VGLL3: variants seen among roughly 807,000 people sequenced by gnomAD.
VGLL3 encodes the protein transcription cofactor vestigial-like protein 3.
A neutral mutation model predicts 29.2 loss-of-function variants in VGLL3; 18 were observed. The observed-to-expected ratio is 0.62, with a 90% CI of 0.43 to 0.91. The LOEUF (loss-of-function observed/expected upper bound fraction) is 0.91, where lower values mean the gene tolerates loss of function less well. Ranked by LOEUF, VGLL3 falls within the 40% of genes least tolerant of loss-of-function variation. The probability of loss-of-function intolerance (pLI) is 0.00; values close to 1 mark genes in which losing one functional copy is unlikely to be tolerated. For missense variants in VGLL3, 440 were observed against 413.2 expected (o/e 1.06, Z -0.56); for synonymous variants, 180 against 151.8 (o/e 1.19, Z -1.36).
In VGLL3 at chr3:86,969,020, G is replaced by T; in HGVS notation, c.507C>A (p.Asp169Glu). Reference protein sequence around the residue: ...PAPCLGGVHPDFQVTGPPGTF... With the variant: ...PAPCLGGVHPEFQVTGPPGTF... ...TGCCAGGGGGTCCAGTGACCTGGAA[G>T]TCAGGATGAACTCCCCCCAAACAAG... The change falls in exon 3 of 4, where the codon GAC (aspartate) becomes GAA (glutamate). Residue 169 changes from aspartate to glutamate, a missense_variant. Transcript: ENST00000398399. The T allele has an allele frequency of 6.2e-7, 1 of 1,614,170 alleles. No homozygotes were observed. The highest frequency in any genetic ancestry group is 8.5e-7 in the Non-Finnish European group (1 of 1,180,024).
chr3:86,982,515 G>T (rs546591033), intron 1 of VGLL3, among the ~76,000 whole-genome samples: 66 of 151,218 alleles, frequency 4.4e-4, no homozygotes, highest in Non-Finnish European at 7.7e-4. Flanking sequence ...TATTCACTTG[G>T]TGTTTGCTCC....
chr3:86,990,970 C>T lies in VGLL3; in HGVS notation c.-227G>A, dbSNP rs988775378. ...GCGGGCACCTTCATCTTCAGCCCCT[C>T]CGGATGTTCCCTGCCGCGCTTATAT... On this transcript the variant is annotated 5_prime_UTR_variant, in exon 1 of 4. Coordinates refer to ENST00000398399, the MANE Select transcript of VGLL3 (RefSeq NM_016206.4). 6.8e-6 allele frequency: 7 copies of T among 1,034,124 alleles called. No individual in the cohort carries two copies. Among genetic ancestry groups the T allele is most frequent in the Non-Finnish European group, 8.2e-6 (7 of 857,734 alleles). 64.1% of individuals were successfully genotyped at this position (1,034,124 alleles called of 1,614,324 possible).
In VGLL3 at chr3:86,966,809, A is replaced by ATATATATATAGTATATATATATAGTGTG. The variant is rs1559726630; in HGVS notation, c.937+1780_937+1781insCACACTATATATATATACTATATATATA. 3.8e-4 allele frequency among the ~76,000 whole-genome samples: 47 copies of ATATATATATAGTATATATATATAGTGTG among 125,200 alleles called. 1 individual carries two copies. The highest frequency in any genetic ancestry group is 1.4e-3 in the African/African-American group (46 of 32,834). The allele number at this position is 125,200 out of a possible 152,430, so 82.1% of individuals were successfully genotyped here. ...TATATATATATATATATATATATAT[A>ATATATATATAGTATATATATATAGTGTG]TATATATATATATATAGTACCCCAG... On this transcript the variant is annotated intron_variant, in intron 3 of 3. Coordinates refer to ENST00000398399, the MANE Select transcript of VGLL3 (RefSeq NM_016206.4).
intron 1 of VGLL3, among the ~76,000 whole-genome samples, chr3:86,986,148 C>G (rs1411681925): frequency 6.6e-6 from 1 of 151,962 alleles, no homozygotes; most frequent in Non-Finnish European, 1.5e-5. Flanking sequence ...CTCTAAACAC[C>G]TCTTTTACCA....
chr3:86,968,710 G>T lies in VGLL3; in HGVS notation c.817C>A (p.Pro273Thr). 6.2e-7 allele frequency: 1 copy of T among 1,614,168 alleles called. No individual in the cohort carries two copies. The highest frequency in any genetic ancestry group is 8.5e-7 in the Non-Finnish European group (1 of 1,180,032). Residue 273 changes from proline (P) to threonine (T), a missense_variant, in exon 3 of 4, where the codon CCT becomes ACT. Pro to Thr is a conservative substitution (Grantham distance 38, BLOSUM62 -1). Coordinates refer to ENST00000398399, the MANE Select transcript of VGLL3 (RefSeq NM_016206.4). The stretch of plus-strand genomic sequence containing the variant: ...TTTGTGATGTCACACTGGGGAGCAG[G>T]AATCCTGGCCGCATGCACTGAAGGC... Reference protein sequence around the residue: ...LMPSVHAARIPAPQCDITKTE... With the variant: ...LMPSVHAARITAPQCDITKTE...
At chr3:86,957,489 C>T (rs912047576) in intron 3 of VGLL3, among the ~76,000 whole-genome samples, 1 of 152,150 alleles carries the variant, frequency 6.6e-6, no homozygotes, top group Admixed American at 6.6e-5. Flanking sequence ...TCATGTATCA[C>T]CGTCTAGAAA....
chr3:86,946,819 A>G lies in VGLL3; in HGVS notation c.*205T>C. The stretch of plus-strand genomic sequence containing the variant: ...AGTTGGCAAAGGCTCAGATGAGGAA[A>G]TAAACAAATAAAAATGCTTTTCTTC... On this transcript the variant is annotated 3_prime_UTR_variant, in exon 4 of 4. Transcript: ENST00000398399. The G allele has an allele frequency of 3.9e-6, 2 of 513,964 alleles. No homozygotes were observed. The highest frequency in any genetic ancestry group is 3.5e-6 in the Non-Finnish European group (1 of 288,520). 31.8% of individuals were successfully genotyped at this position (513,964 alleles called of 1,614,324 possible). A position where few individuals can be genotyped will look rare whatever the true frequency, so the allele number is the denominator to read the frequency against.
chr3:86,974,119 T>C (rs545576990), intron 2 of VGLL3, among the ~76,000 whole-genome samples: 1 of 151,886 alleles, frequency 6.6e-6, no homozygotes, highest in South Asian at 2.1e-4. Context: ...ATTAGGTTTG[T>C]TATTTTTTTT....
chr3:86,987,811 T>C (rs1397533750), intron 1 of VGLL3, among the ~76,000 whole-genome samples: 1 of 152,156 alleles, frequency 6.6e-6, no homozygotes, highest in Non-Finnish European at 1.5e-5. Context: ...AGCTAATATA[T>C]ATATACAGTT....
intron 3 of VGLL3, among the ~76,000 whole-genome samples, chr3:86,963,578 T>C (rs1213574539): frequency 6.6e-6 from 1 of 152,200 alleles, no homozygotes; most frequent in Non-Finnish European, 1.5e-5. Flanking sequence ...GCATATGCTA[T>C]TGTGAAATAT....
chr3:86,982,129 T>A (rs1705337186), intron 1 of VGLL3, among the ~76,000 whole-genome samples: 1 of 152,122 alleles, frequency 6.6e-6, no homozygotes, highest in South Asian at 2.1e-4. Context: ...TGACTGTAAA[T>A]CAATTTATTG....
chr3:86,978,464 T>C (rs1410514882), intron 2 of VGLL3, 62 bp downstream of exon 2: 2 of 1,555,626 alleles, frequency 1.3e-6, no homozygotes, highest in East Asian at 2.3e-5. Context: ...AGCTGGAACC[T>C]GGTACAGGCA....
At position 86,976,095 on chromosome 3, in the gene VGLL3, CAA is replaced by C. The variant is rs558868525; in HGVS notation, c.403+2429_403+2430del. Among the ~76,000 whole-genome samples the C allele has an allele frequency of 2.1e-4, 32 of 151,918 alleles. No individual in the cohort carries two copies. In the East Asian group the frequency reaches 5.8e-3, roughly 28 times the overall value. Reference sequence around the variant, plus strand: ...CACCACTGCACTCCAGCCTGGGTGACAAGAGCGAAACTCCATCTCAAAAAAAA... The same window carrying C: ...CACCACTGCACTCCAGCCTGGGTGACGAGCGAAACTCCATCTCAAAAAAAA... On this transcript the variant is annotated intron_variant, in intron 2 of 3. Coordinates refer to ENST00000398399, the MANE Select transcript of VGLL3 (RefSeq NM_016206.4).
At position 86,939,464 on chromosome 3, in the gene VGLL3, A is replaced by C. The variant is rs1704346799; in HGVS notation, c.*7560T>G. On this transcript the variant is annotated 3_prime_UTR_variant, in exon 4 of 4. Transcript: ENST00000398399. ...ACATGGTGAAATCCCGTCTCTACTA[A>C]AATACAAAATATTAGCCTTGTGTGG... 6.6e-6 allele frequency: 1 copy of C among 152,192 alleles called. No individual in the cohort carries two copies. The highest frequency in any genetic ancestry group is 1.5e-5 in the Non-Finnish European group (1 of 68,092). The allele number at this position is 152,192 out of a possible 1,614,324, so 9.4% of individuals were successfully genotyped here.
In VGLL3 at chr3:86,942,790, G is replaced by A. The variant is rs1473681093; in HGVS notation, c.*4234C>T. ...ATTTATCTCCTATACCAGGTAGAAGGAACAGTTAGTAGGAGAAAAAGATTC... is the reference window on the plus strand; with the variant it reads ...ATTTATCTCCTATACCAGGTAGAAGAAACAGTTAGTAGGAGAAAAAGATTC... On this transcript the variant is annotated 3_prime_UTR_variant, in exon 4 of 4. Coordinates refer to ENST00000398399, the MANE Select transcript of VGLL3 (RefSeq NM_016206.4). The A allele has an allele frequency of 3.9e-5, 6 of 152,252 alleles. No homozygotes were observed. The East Asian group carries it at 9.6e-4, about 24-fold the overall frequency. The allele number at this position is 152,252 out of a possible 1,614,324, so 9.4% of individuals were successfully genotyped here.
intron 3 of VGLL3, among the ~76,000 whole-genome samples, chr3:86,948,039 C>A (rs1310843322): frequency 6.6e-6 from 1 of 151,218 alleles, no homozygotes; most frequent in Non-Finnish European, 1.5e-5. Flanking sequence ...CTTTGATGAA[C>A]TTATATATTG....
intron 3 of VGLL3, among the ~76,000 whole-genome samples, chr3:86,957,182 G>T (rs1422185165): frequency 2.0e-5 from 3 of 151,988 alleles, no homozygotes; most frequent in Non-Finnish European, 4.4e-5. Context: ...TGTTAACCCC[G>T]CAATATTTTT....
Position 86,944,430 on chromosome 3 carries a change from G to A in VGLL3, c.*2594C>T, listed in dbSNP as rs1229108648. 2 of 152,340 alleles carry A rather than the reference G, an allele frequency of 1.3e-5. No homozygotes were observed. The highest frequency in any genetic ancestry group is 4.8e-5 in the African/African-American group (2 of 41,432). The allele number at this position is 152,340 out of a possible 1,614,324, so 9.4% of individuals were successfully genotyped here. On this transcript the variant is annotated 3_prime_UTR_variant, in exon 4 of 4. Coordinates refer to ENST00000398399, the MANE Select transcript of VGLL3 (RefSeq NM_016206.4). ...CCAGGTAATTTTTCAGAAATTTTTTGTAGGGATAGGGTCTCCCTATGTTGC... is the reference window on the plus strand; with the variant it reads ...CCAGGTAATTTTTCAGAAATTTTTTATAGGGATAGGGTCTCCCTATGTTGC...
intron 3 of VGLL3, among the ~76,000 whole-genome samples, chr3:86,956,570 A>G (rs1002786972): frequency 3.3e-5 from 5 of 152,108 alleles, no homozygotes; most frequent in Admixed American, 6.5e-5. Flanking sequence ...GCGGATCACG[A>G]GGTCAGGAGA....
Sources: gnomAD v4.1 joint callset for allele counts (sites outside exome capture counted in the v4.1 genomes callset) on GRCh38, gnomAD v4.1.1 for gene constraint, MANE v1.5 for transcripts, NCBI Gene and HGNC (gene_info 2026-07-23, HGNC 2026-07-21) for gene names.